SDCBP2: variants seen among roughly 807,000 people sequenced by gnomAD.
SDCBP2 encodes the protein syndecan binding protein 2, also known as syntenin-2.
SDCBP2 carries 28 observed loss-of-function variants against 30.7 expected under a neutral mutation model. The ratio of observed to expected loss-of-function variants is 0.91; its 90% CI spans 0.68 to 1.25. The LOEUF (loss-of-function observed/expected upper bound fraction) is 1.25, where lower values mean the gene tolerates loss of function less well. Ranked by LOEUF, SDCBP2 falls within the 50% of genes most tolerant of loss-of-function variation. SDCBP2 has a pLI of 0.00. For missense variants in SDCBP2, 399 were observed against 379.0 expected (o/e 1.05, Z -0.44); for synonymous variants, 166 against 157.3 (o/e 1.06, Z -0.41).
chr20:1,327,540 T>C (rs1395441324), intron 1 of SDCBP2, among the ~76,000 whole-genome samples: 1 of 152,208 alleles, frequency 6.6e-6, no homozygotes, highest in African/African-American at 2.4e-5. Flanking sequence ...CTCTCAGTGC[T>C]GCACTGCCTG....
In SDCBP2 at chr20:1,313,713, A is replaced by G. The variant is rs923497423; in HGVS notation, c.226-215T>C. 4 of 1,296,936 alleles carry G rather than the reference A, an allele frequency of 3.1e-6. No homozygotes were observed. Among genetic ancestry groups the G allele is most frequent in the Non-Finnish European group, 4.0e-6 (4 of 1,011,082 alleles). The allele number at this position is 1,296,936 out of a possible 1,614,324, so 80.3% of individuals were successfully genotyped here. A position where few individuals can be genotyped will look rare whatever the true frequency, so the allele number is the denominator to read the frequency against. On this transcript the variant is annotated intron_variant, in intron 4 of 8. Transcript: ENST00000360779. This position sits in a 1 kb window ranked among gnomAD's most constrained non-coding sequence, Gnocchi z 5.2. ...AAGTCCATGCCCTTAAAAAGCCAGG[A>G]AAACGGGGAGGGAAGGGGCGAGGAT... is the stretch of plus-strand genomic sequence containing the variant.
Position 1,318,186 on chromosome 20 carries a change from G to C in SDCBP2, c.225+132C>G, listed in dbSNP as rs764502724. On this transcript the variant is annotated intron_variant, in intron 4 of 8. Transcript: ENST00000360779. ...AAATGAACGGTGCCATCAAGAAACA[G>C]AGCCAGCAGAGTGCTGGGGAGAGGG... 5 of 723,784 alleles carry C rather than the reference G, an allele frequency of 6.9e-6. 1 individual carries two copies. The highest frequency in any genetic ancestry group is 5.7e-5 in the South Asian group (4 of 70,338). The allele number at this position is 723,784 out of a possible 1,614,324, so 44.8% of individuals were successfully genotyped here.
chr20:1,310,858 C>A lies in SDCBP2; in HGVS notation c.766G>T (p.Gly256Trp), dbSNP rs1457345079. Residue 256 changes from glycine (G) to tryptophan (W), a missense_variant, in exon 8 of 9, where the codon GGG becomes TGG. Coordinates refer to ENST00000360779, the MANE Select transcript of SDCBP2 (RefSeq NM_080489.5). ...KKIMEILATA[G>W]NVVTLTIIPS... ...ATGATGGTCAGGGTGACAACGTTCC[C>A]AGCCGTGGCCAGAATCTCCATGATC... The A allele has an allele frequency of 1.2e-6, 2 of 1,614,030 alleles. No homozygotes were observed. Among genetic ancestry groups the A allele is most frequent in the East Asian group, 4.5e-5 (2 of 44,870 alleles).
At chr20:1,328,744 G>T (rs1251711869) in intron 1 of SDCBP2, among the ~76,000 whole-genome samples, 1 of 152,148 alleles carries the variant, frequency 6.6e-6, no homozygotes, top group Non-Finnish European at 1.5e-5. Flanking sequence ...TGGGCTTTTT[G>T]CCTGCCTGCA....
chr20:1,314,589 C>CAA (rs11473327), intron 4 of SDCBP2, among the ~76,000 whole-genome samples: 20,179 of 99,176 alleles, frequency 0.2, 2,642 homozygotes, highest in Non-Finnish European at 0.25. Flanking sequence ...TACAATCACT[C>CAA]AAAAAAAAAA....
intron 1 of SDCBP2, among the ~76,000 whole-genome samples, chr20:1,326,520 C>T (rs373492650): frequency 1.3e-5 from 2 of 152,356 alleles, no homozygotes; most frequent in African/African-American, 2.4e-5. Context: ...AGGTGCTATT[C>T]CCTCTGTCTT....
In SDCBP2 at chr20:1,313,504, G is replaced by T; in HGVS notation, c.226-6C>A. 1 of 1,579,732 alleles carries T rather than the reference G, an allele frequency of 6.3e-7. No homozygotes were observed. Among genetic ancestry groups the T allele is most frequent in the Non-Finnish European group, 8.6e-7 (1 of 1,167,438 alleles). ...CCGGGGCCCGAGACCGCTGTCTGCAGACACCAGGGGGCAGGGGGTCAGCCC... is the reference window on the plus strand; with the variant it reads ...CCGGGGCCCGAGACCGCTGTCTGCATACACCAGGGGGCAGGGGGTCAGCCC... On this transcript the variant is annotated splice_region_variant and splice_polypyrimidine_tract_variant and intron_variant, in intron 4 of 8. Coordinates refer to ENST00000360779, the MANE Select transcript of SDCBP2 (RefSeq NM_080489.5). The surrounding 1 kb of genome is among the most constrained non-coding windows in gnomAD (Gnocchi z 5.2).
chr20:1,313,345 C>A lies in SDCBP2; in HGVS notation c.379G>T (p.Asp127Tyr). 1 of 1,611,184 alleles carries A rather than the reference C, an allele frequency of 6.2e-7. No homozygotes were observed. Among genetic ancestry groups the A allele is most frequent in the Non-Finnish European group, 8.5e-7 (1 of 1,179,556 alleles). Residue 127 changes from aspartate (D) to tyrosine (Y), a missense_variant, in exon 5 of 9, where the codon GAC becomes TAC. Coordinates refer to ENST00000360779, the MANE Select transcript of SDCBP2 (RefSeq NM_080489.5). The surrounding 1 kb of genome is among the most constrained non-coding windows in gnomAD (Gnocchi z 5.2). ...GKTGLRLRKV[D>Y]QGLFVQLVQA... ...ACCCAGCCCCCGCGCCCTACCTGGT[C>A]GACCTTCCGCAGCCTCAGCCCGGTC...
intron 3 of SDCBP2, 160 bp downstream of exon 3, chr20:1,319,430 G>T: frequency 1.3e-6 from 1 of 745,294 alleles, no homozygotes; most frequent in Non-Finnish European, 2.3e-6. Context: ...CACCCAGGCA[G>T]TAAGAGGTGG....
chr20:1,321,496 G>A lies in SDCBP2; in HGVS notation c.-19-1061C>T, dbSNP rs761990551. Reference sequence around the variant, plus strand: ...TCAAATCCCATCTCTCCCACATCCCGTGTTGTGCAGGTCCCCATCATCTCC... The same window carrying A: ...TCAAATCCCATCTCTCCCACATCCCATGTTGTGCAGGTCCCCATCATCTCC... On this transcript the variant is annotated intron_variant, in intron 1 of 8. Coordinates refer to ENST00000360779, the MANE Select transcript of SDCBP2 (RefSeq NM_080489.5). The surrounding 1 kb of genome is among the most constrained non-coding windows in gnomAD (Gnocchi z 5.2). 18 of 153,578 alleles carry A rather than the reference G, an allele frequency of 1.2e-4. No homozygotes were observed. The highest frequency in any genetic ancestry group is 4.1e-4 in the South Asian group (2 of 4,894). The allele number at this position is 153,578 out of a possible 1,614,324, so 9.5% of individuals were successfully genotyped here.
At chr20:1,319,408 C>T (rs1600282277) in intron 3 of SDCBP2, 182 bp downstream of exon 3, 1 of 646,140 alleles carries the variant, frequency 1.5e-6, no homozygotes, top group East Asian at 2.9e-5. Context: ...GGTGAGGTGA[C>T]TCAGCCCAGG....
rs1361275863 is a variant in SDCBP2, at chr20:1,313,631, G to A, written c.226-133C>T. On this transcript the variant is annotated intron_variant, in intron 4 of 8. Transcript: ENST00000360779. The surrounding 1 kb of genome is among the most constrained non-coding windows in gnomAD (Gnocchi z 5.2). ...GGGTCCCCCCACGTCCCCAGTCCACGCTTCTCCCCTAGGGGCGAGAGGAGA... is the reference window on the plus strand; with the variant it reads ...GGGTCCCCCCACGTCCCCAGTCCACACTTCTCCCCTAGGGGCGAGAGGAGA... The A allele has an allele frequency of 2.1e-6, 3 of 1,417,192 alleles. No homozygotes were observed. Among genetic ancestry groups the A allele is most frequent in the South Asian group, 3.1e-5 (2 of 65,454 alleles). The allele number at this position is 1,417,192 out of a possible 1,614,324, so 87.8% of individuals were successfully genotyped here. A position where few individuals can be genotyped will look rare whatever the true frequency, so the allele number is the denominator to read the frequency against.
intron 2 of SDCBP2, 95 bp from the exon 3 acceptor site, chr20:1,319,754 G>C: frequency 1.9e-6 from 2 of 1,028,932 alleles, no homozygotes; most frequent in South Asian, 1.7e-5. Context: ...GGCATTAGGG[G>C]TGTGAGTGGG....
At position 1,310,805 on chromosome 20, in the gene SDCBP2, G is replaced by A. The variant is rs2088653515; in HGVS notation, c.819C>T (p.Val273=). Residue 273 remains valine (V), a synonymous_variant, in exon 8 of 9, where the codon GTC becomes GTT. Coordinates refer to ENST00000360779, the MANE Select transcript of SDCBP2 (RefSeq NM_080489.5). ...IIPSVIYEHM[V]KKLPPVLLHH... is the part of the protein sequence containing the mutation. ...GAGGAGGGGTGCAGCCTTACTTTTT[G>A]ACCATGTGCTCGTAGATCACACTGG... The A allele has an allele frequency of 3.7e-6, 6 of 1,612,106 alleles. No homozygotes were observed. Among genetic ancestry groups the A allele is most frequent in the Non-Finnish European group, 5.1e-6 (6 of 1,178,600 alleles).
chr20:1,325,785 A>AT (rs2088916222), intron 1 of SDCBP2: 1 of 151,988 alleles, frequency 6.6e-6, no homozygotes, highest in South Asian at 2.1e-4. Flanking sequence ...GTCCCAAGGT[A>AT]TTTCCTACCA....
rs1334607887 is a variant in SDCBP2, at chr20:1,310,341, C to T, written c.*100G>A. 2 of 1,285,680 alleles carry T rather than the reference C, an allele frequency of 1.6e-6. No individual in the cohort carries two copies. Among genetic ancestry groups the T allele is most frequent in the Non-Finnish European group, 2.2e-6 (2 of 897,066 alleles). The allele number at this position is 1,285,680 out of a possible 1,614,324, so 79.6% of individuals were successfully genotyped here. A position where few individuals can be genotyped will look rare whatever the true frequency, so the allele number is the denominator to read the frequency against. ...ACGCCCCCCTCATGGCAGCCCCCAC[C>T]TTAAGCAGCAGGCCGGCTGCAACCC... On this transcript the variant is annotated 3_prime_UTR_variant, in exon 9 of 9. Transcript: ENST00000360779.
intron 3 of SDCBP2, 190 bp downstream of exon 3, chr20:1,319,395 GGAGGT>G: frequency 8.2e-6 from 5 of 608,416 alleles, no homozygotes; most frequent in Non-Finnish European, 8.9e-6. Flanking sequence ...ACAGGCTCTG[GGAGGT>G]GAGGTGACTC....
intron 1 of SDCBP2, among the ~76,000 whole-genome samples, chr20:1,327,322 A>G (rs928556817): frequency 2.0e-5 from 3 of 152,158 alleles, no homozygotes; most frequent in Non-Finnish European, 4.4e-5. Context: ...CACTCTTTGG[A>G]ACACTTTGTT....
At position 1,318,319 on chromosome 20, in the gene SDCBP2, C is replaced by T. The variant is rs751579851; in HGVS notation, c.224G>A (p.Ser75Asn). 1.9e-6 allele frequency: 3 copies of T among 1,609,324 alleles called. No homozygotes were observed. The highest frequency in any genetic ancestry group is 2.6e-6 in the Non-Finnish European group (3 of 1,175,606). ...AGCAGGCAGAAGCCAAATACATACA[C>T]TGTCACCCTCTGGAATCTGAAGCAG... ...ESLLQIPEGD[S>N]TAVSGPGPGQ... The change falls in exon 4 of 9, where the codon AGT becomes AAT. Residue 75 changes from serine to asparagine, a missense_variant and splice_region_variant. By Grantham distance (46) the Ser-to-Asn change is conservative. Transcript: ENST00000360779.
Sources: gnomAD v4.1 joint callset for allele counts (sites outside exome capture counted in the v4.1 genomes callset) on GRCh38, gnomAD v4.1.1 for gene constraint, Gnocchi (gnomAD v3.1) non-coding constraint, MANE v1.5 for transcripts, NCBI Gene and HGNC (gene_info 2026-07-23, HGNC 2026-07-21) for gene names.